The following FANCD2 variants were observed in gnomAD, a reference collection of about 807,000 sequenced individuals.
FANCD2 encodes Fanconi anemia group D2 protein.
A neutral mutation model predicts 192.3 loss-of-function variants in FANCD2; 131 were observed. The ratio of observed to expected loss-of-function variants is 0.68; its 90% CI spans 0.59 to 0.79. The LOEUF (loss-of-function observed/expected upper bound fraction) is 0.79, where lower values mean the gene tolerates loss of function less well. FANCD2 is among the 30% of genes least tolerant of loss of function. FANCD2 has a pLI of 0.00. For missense variants in FANCD2, 1,508 were observed against 1,701.6 expected (o/e 0.89, Z 2.00); for synonymous variants, 524 against 612.5 (o/e 0.86, Z 2.13).
chr3:10,046,518 A>G, intron 14 of FANCD2, 62 bp from the exon 15 acceptor site: 1 of 1,603,292 alleles, frequency 6.2e-7, no homozygotes, highest in Non-Finnish European at 8.5e-7. Flanking sequence ...CTGCTGTTTC[A>G]TTGTAGCAAA....
chr3:10,060,424 T>C, intron 19 of FANCD2, 21 bp downstream of exon 19: 3 of 1,570,986 alleles, frequency 1.9e-6, no homozygotes, highest in Non-Finnish European at 2.6e-6. Context: ...AGATTCTGAC[T>C]TCTGTGGTTT....
At chr3:10,100,673 C>T (rs1695248432) in intron 43 of FANCD2, among the ~76,000 whole-genome samples, 1 of 152,208 alleles carries the variant, frequency 6.6e-6, no homozygotes, top group Non-Finnish European at 1.5e-5. Flanking sequence ...CGTGCACTGC[C>T]ATACCACCAC....
intron 9 of FANCD2, 188 bp downstream of exon 9, chr3:10,040,033 CTTTTTTTTT>C: frequency 2.9e-6 from 1 of 342,894 alleles, no homozygotes; most frequent in Non-Finnish European, 5.2e-6. Context: ...CACATACTTT[CTTTTTTTTT>C]TTTTTTTTTT....
chr3:10,044,125 TC>T (rs1290941418), intron 14 of FANCD2, among the ~76,000 whole-genome samples: 1 of 152,154 alleles, frequency 6.6e-6, no homozygotes, highest in Admixed American at 6.5e-5. Flanking sequence ...AACAAGCACA[TC>T]AAGGTGCAGT....
chr3:10,089,090 A>C, intron 36 of FANCD2, 140 bp downstream of exon 36: 2 of 927,866 alleles, frequency 2.2e-6, no homozygotes, highest in Non-Finnish European at 3.4e-6. Flanking sequence ...TTTGAGACCC[A>C]CTTGGCCAAC....
rs888991728 is a variant in FANCD2 at position 10,101,523 on chromosome 3, C to T, written c.*261C>T. On this transcript the variant is annotated 3_prime_UTR_variant, in exon 44 of 44. Transcript: ENST00000675286. ...GCCTCAGCCTCCTGAGTAGCTGGGA[C>T]GACAGGCACATGCCACCATGCCCAG... The T allele has an allele frequency of 6.7e-5, 30 of 450,962 alleles. No homozygotes were observed. The highest frequency in any genetic ancestry group is 1.1e-4 in the Admixed American group (3 of 27,914). 27.9% of individuals were successfully genotyped at this position (450,962 alleles called of 1,614,324 possible). A position where few individuals can be genotyped will look rare whatever the true frequency, so the allele number is the denominator to read the frequency against.
chr3:10,094,229 C>T (rs775519124), intron 39 of FANCD2, 60 bp from the exon 40 acceptor site: 29 of 1,293,374 alleles, frequency 2.2e-5, no homozygotes, highest in Admixed American at 1.0e-4. Flanking sequence ...ACTATTCTGC[C>T]TCAGGGGCCT....
intron 21 of FANCD2, 40 bp downstream of exon 21, chr3:10,063,951 G>A (rs2087642044): frequency 3.7e-6 from 6 of 1,614,122 alleles, no homozygotes; most frequent in Non-Finnish European, 4.2e-6. Context: ...TAAAGCATGA[G>A]AGCTGCTTTA....
intron 18 of FANCD2, chr3:10,057,951 TA>T: frequency 3.1e-6 from 1 of 325,796 alleles, no homozygotes; most frequent in Non-Finnish European, 6.2e-6. Flanking sequence ...TGTTTTGTAA[TA>T]AATAAGGCAG....
At chr3:10,080,933 G>A (rs766425393) in intron 30 of FANCD2, among the ~76,000 whole-genome samples, 167 bp from the exon 31 acceptor site, 1 of 152,164 alleles carries the variant, frequency 6.6e-6, no homozygotes, top group Non-Finnish European at 1.5e-5. Flanking sequence ...TTGGAAGATG[G>A]AGCAAGATTT....
chr3:10,069,187 C>T (rs2087801643), intron 26 of FANCD2, among the ~76,000 whole-genome samples: 1 of 151,938 alleles, frequency 6.6e-6, no homozygotes, highest in South Asian at 2.1e-4. Flanking sequence ...CTTTCCTCTG[C>T]ATAGCAAAGG....
chr3:10,085,050 A>G (rs776438516), intron 32 of FANCD2, among the ~76,000 whole-genome samples: 1 of 152,214 alleles, frequency 6.6e-6, no homozygotes, highest in Admixed American at 6.5e-5. Flanking sequence ...CAAAGATAGA[A>G]ATGTCAAGAC....
At chr3:10,042,487 A>G in intron 10 of FANCD2, 72 bp from the exon 11 acceptor site, 1 of 1,183,974 alleles carries the variant, frequency 8.4e-7, no homozygotes, top group Non-Finnish European at 1.3e-6. Context: ...TTCTAATTTT[A>G]TCTAACAGTT....
intron 26 of FANCD2, among the ~76,000 whole-genome samples, chr3:10,070,613 C>T (rs1412237221): frequency 6.8e-6 from 1 of 146,056 alleles, no homozygotes; most frequent in African/African-American, 2.5e-5. Context: ...CGGCCACCAC[C>T]CCGTCTGGGA....
chr3:10,061,171 A>G (rs1188438649), intron 19 of FANCD2, among the ~76,000 whole-genome samples: 2 of 152,234 alleles, frequency 1.3e-5, no homozygotes, highest in African/African-American at 2.4e-5. Context: ...TACAGCATAC[A>G]TCATAAATAC....
chr3:10,033,517 T>C (rs2086652238), intron 3 of FANCD2, among the ~76,000 whole-genome samples: 2 of 152,008 alleles, frequency 1.3e-5, no homozygotes, highest in Non-Finnish European at 2.9e-5. Flanking sequence ...ATTTATTTTG[T>C]GTTTTCTTAT....
intron 33 of FANCD2, 80 bp downstream of exon 33, chr3:10,086,002 C>T: frequency 1.1e-6 from 1 of 930,984 alleles, no homozygotes; most frequent in Non-Finnish European, 1.8e-6. Flanking sequence ...TTAAAATAAC[C>T]TGGGTGTCTT....
At chr3:10,073,470 C>G (rs199789970) in intron 28 of FANCD2, 108 bp downstream of exon 28, 5 of 890,636 alleles carry the variant, frequency 5.6e-6, no homozygotes, top group Non-Finnish European at 7.6e-6. Flanking sequence ...TAGGAAACAG[C>G]GAGCCAAAAC....
Position 10,032,862 on chromosome 3 carries a change from C to G in FANCD2, c.95C>G (p.Thr32Arg). Residue 32 changes from threonine to arginine, a missense_variant, in exon 3 of 44, where the codon ACA (threonine) becomes AGA (arginine). Around this residue, in one of 5 missense-constraint regions of FANCD2, gnomAD observed 435 missense variants for 421.9 expected, o/e 1.03. Transcript: ENST00000675286. ...AGGAAGCAACCACTTTCCAAAAAGA[C>G]AAAGAAATCTCATATTGCTAATGAA... is the stretch of plus-strand genomic sequence containing the variant. ...KTRKQPLSKK[T>R]KKSHIANEVE... is the part of the protein sequence containing the mutation. 6.2e-7 allele frequency: 1 copy of G among 1,612,952 alleles called. No individual in the cohort carries two copies. The highest frequency in any genetic ancestry group is 1.1e-5 in the South Asian group (1 of 90,886).
Sources: allele counts gnomAD v4.1 joint callset (sites outside exome capture counted in the v4.1 genomes callset), GRCh38; gene constraint gnomAD v4.1.1; regional missense constraint gnomAD v4.1.1; transcripts MANE v1.5; gene names NCBI Gene and HGNC (gene_info 2026-07-23, HGNC 2026-07-21).